Variants in HAPLN1 observed in about 807,000 individuals in gnomAD.
HAPLN1 encodes the protein hyaluronan and proteoglycan link protein 1.
HAPLN1 carries 13 observed loss-of-function variants against 36.5 expected under a neutral mutation model. The observed-to-expected ratio is 0.36, with a 90% CI of 0.23 to 0.57. HAPLN1 has a LOEUF of 0.57. Among genes scored for constraint, HAPLN1 ranks in the 20% least tolerant of loss-of-function variants. The pLI is 0.83. For synonymous variants in HAPLN1, 202 were observed against 169.8 expected, an observed-to-expected ratio of 1.19 and a Z score of -1.48; for missense variants, 407 against 439.7, an observed-to-expected ratio of 0.93 and a Z score of 0.66.
rs1011503554 is a variant in HAPLN1 at position 83,671,269 on chromosome 5, G to A, written c.100+2155C>T. On this transcript the variant is annotated intron_variant, in intron 2 of 4. Transcript: ENST00000274341. ...GAAATCTAATCAAAAATAGGAGAGA[G>A]TAATGATATTTTTACAGCAACGTGA... 5.9e-5 allele frequency among the ~76,000 whole-genome samples: 9 copies of A among 152,268 alleles called. 1 individual carries two copies. Among genetic ancestry groups the A allele is most frequent in the Middle Eastern group, 3.4e-3 (1 of 294 alleles).
chr5:83,701,033 T>A (rs1362093295), intron 1 of HAPLN1, among the ~76,000 whole-genome samples: 1 of 152,220 alleles, frequency 6.6e-6, no homozygotes, highest in Admixed American at 6.5e-5. Context: ...GAGGTTTACT[T>A]TCAAGTGATG....
At chr5:83,697,294 T>C (rs1751410582) in intron 1 of HAPLN1, among the ~76,000 whole-genome samples, 1 of 152,196 alleles carries the variant, frequency 6.6e-6, no homozygotes, top group South Asian at 2.1e-4. Context: ...TCATATAATT[T>C]GTGGTCCTTT....
chr5:83,700,239 A>G (rs1751477536), intron 1 of HAPLN1, among the ~76,000 whole-genome samples: 1 of 151,924 alleles, frequency 6.6e-6, no homozygotes, highest in Non-Finnish European at 1.5e-5. Context: ...CACCACAACA[A>G]AAATTACATG....
At chr5:83,718,650 C>T (rs1751963231) in intron 1 of HAPLN1, among the ~76,000 whole-genome samples, 1 of 152,144 alleles carries the variant, frequency 6.6e-6, no homozygotes, top group Non-Finnish European at 1.5e-5. Flanking sequence ...ACTTAAATGA[C>T]ATAGACTAAG....
intron 1 of HAPLN1, among the ~76,000 whole-genome samples, chr5:83,705,460 C>T (rs561084177): frequency 1.4e-5 from 2 of 147,774 alleles, no homozygotes; most frequent in South Asian, 2.1e-4. Flanking sequence ...AATTAAACAA[C>T]GTGCTCATGA....
intron 2 of HAPLN1, among the ~76,000 whole-genome samples, chr5:83,669,785 G>C (rs1750654418): frequency 6.6e-6 from 1 of 152,164 alleles, no homozygotes; most frequent in Non-Finnish European, 1.5e-5. Context: ...ACCAGGCACT[G>C]TACTAAGCAC....
intron 1 of HAPLN1, among the ~76,000 whole-genome samples, chr5:83,690,425 A>T (rs192060795): frequency 1.1e-3 from 173 of 152,218 alleles, no homozygotes; most frequent in African/African-American, 4.0e-3. Context: ...GAAGTGGCAC[A>T]GAATTAGCTG....
At chr5:83,660,033 T>C (rs1444959872) in intron 2 of HAPLN1, among the ~76,000 whole-genome samples, 1 of 152,118 alleles carries the variant, frequency 6.6e-6, no homozygotes, top group African/African-American at 2.4e-5. Flanking sequence ...CTGCACCCAC[T>C]GTGTAGTCTT....
intron 1 of HAPLN1, among the ~76,000 whole-genome samples, chr5:83,704,590 G>C (rs1480971072): frequency 1.3e-5 from 2 of 152,154 alleles, no homozygotes; most frequent in East Asian, 3.8e-4. Flanking sequence ...CCAGAAAAAA[G>C]CAGGAGCTGC....
At chr5:83,667,394 AT>A (rs1481579537) in intron 2 of HAPLN1, among the ~76,000 whole-genome samples, 2 of 152,130 alleles carry the variant, frequency 1.3e-5, no homozygotes, top group African/African-American at 4.8e-5. Flanking sequence ...TGATGTGCTA[AT>A]TTTTATAATT....
intron 1 of HAPLN1, among the ~76,000 whole-genome samples, chr5:83,704,107 C>CAAAA (rs34709377): frequency 7.1e-6 from 1 of 140,242 alleles, no homozygotes. Flanking sequence ...GCAACAGTCT[C>CAAAA]AAAAAAAAAA....
rs758510860 is a variant in HAPLN1, at chr5:83,640,979, GA to G, written c.*516del. 1.7e-4 allele frequency: 25 copies of G among 149,146 alleles called. No individual in the cohort carries two copies. Among genetic ancestry groups the G allele is most frequent in the Non-Finnish European group, 2.7e-4 (18 of 67,558 alleles). 9.2% of individuals were successfully genotyped at this position (149,146 alleles called of 1,614,324 possible). ...AAAATATTCTGCCTATTAGAGACTT[GA>G]AATATTAACTTTTAGAAAGGTATAG... On this transcript the variant is annotated 3_prime_UTR_variant, in exon 5 of 5. Coordinates refer to ENST00000274341, the MANE Select transcript of HAPLN1 (RefSeq NM_001884.4).
chr5:83,717,967 A>T (rs1751951075), intron 1 of HAPLN1, among the ~76,000 whole-genome samples: 1 of 152,240 alleles, frequency 6.6e-6, no homozygotes, highest in Non-Finnish European at 1.5e-5. Context: ...TTAAGCTAGT[A>T]GTTATTTTCC....
intron 2 of HAPLN1, among the ~76,000 whole-genome samples, chr5:83,667,425 T>C (rs1401421554): frequency 6.6e-6 from 1 of 152,138 alleles, no homozygotes; most frequent in Non-Finnish European, 1.5e-5. Flanking sequence ...AATTCTCTGA[T>C]GTTTTATAGC....
chr5:83,656,806 G>T (rs1750231092), intron 2 of HAPLN1, among the ~76,000 whole-genome samples: 1 of 152,104 alleles, frequency 6.6e-6, no homozygotes, highest in South Asian at 2.1e-4. Flanking sequence ...TACAAATTCT[G>T]CTGTGAAATC....
intron 1 of HAPLN1, among the ~76,000 whole-genome samples, chr5:83,683,073 C>A (rs549486447): frequency 6.6e-6 from 1 of 152,096 alleles, no homozygotes; most frequent in African/African-American, 2.4e-5. Context: ...ATATAAGTAT[C>A]AAAGCTTTCC....
chr5:83,680,323 A>T (rs1208384939), intron 1 of HAPLN1, among the ~76,000 whole-genome samples: 2 of 152,324 alleles, frequency 1.3e-5, no homozygotes, highest in East Asian at 3.9e-4. Flanking sequence ...TGTGTTTATA[A>T]TGTTCATGTC....
chr5:83,716,624 A>C (rs146717288), intron 1 of HAPLN1, among the ~76,000 whole-genome samples: 7 of 152,354 alleles, frequency 4.6e-5, no homozygotes, highest in African/African-American at 1.7e-4. Context: ...CAATATAACT[A>C]TAAGCATCAG....
intron 1 of HAPLN1, among the ~76,000 whole-genome samples, chr5:83,686,697 C>G (rs192648233): frequency 6.0e-4 from 92 of 152,284 alleles, no homozygotes; most frequent in Non-Finnish European, 1.2e-3. Flanking sequence ...CCCCCAGCAC[C>G]TGCCGCCCAC....
Sources: allele counts gnomAD v4.1 joint callset (sites outside exome capture counted in the v4.1 genomes callset), GRCh38; gene constraint gnomAD v4.1.1; transcripts MANE v1.5; gene names NCBI Gene and HGNC (gene_info 2026-07-23, HGNC 2026-07-21).